Variants in TERF2 observed in about 807,000 individuals in gnomAD.
The protein encoded by TERF2 is telomeric repeat-binding factor 2.
Under a neutral mutation model 56.1 loss-of-function variants are expected in TERF2, and 16 were observed. That is an observed-to-expected ratio of 0.29 (90% CI 0.19 to 0.43). The LOEUF (loss-of-function observed/expected upper bound fraction) is 0.43. Among genes scored for constraint, TERF2 ranks in the 20% least tolerant of loss-of-function variants. TERF2 has a pLI of 1.00. For missense variants in TERF2, 547 were observed against 712.9 expected (o/e 0.77, Z 2.65); for synonymous variants, 296 against 282.1 (o/e 1.05, Z -0.50).
Position 69,366,980 on chromosome 16 carries a change from G to A in TERF2, c.1167C>T (p.Gly389=). Residue 389 remains glycine, a synonymous_variant, in exon 7 of 10, where the codon GGC becomes GGT. Transcript: ENST00000254942. ...GCTTGTTCTTGGGCTGCAGTTCCGA[G>A]CCACCCTCACCGTCAGCCGGGGCTG... is the stretch of plus-strand genomic sequence containing the variant. The part of the protein sequence containing the change: ...ESSAPADGEG[G]SELQPKNKRM... 2 of 1,614,206 alleles carry A rather than the reference G, an allele frequency of 1.2e-6. No individual in the cohort carries two copies. The highest frequency in any genetic ancestry group is 1.7e-6 in the Non-Finnish European group (2 of 1,180,042).
In TERF2 at chr16:69,385,155, T is replaced by C. The variant is rs2014144344; in HGVS notation, c.475+236A>G. Among the ~76,000 whole-genome samples, 4 of 151,416 alleles carry C rather than the reference T, an allele frequency of 2.6e-5. No individual in the cohort carries two copies. In the South Asian group the frequency reaches 6.3e-4, roughly 24 times the overall value. On this transcript the variant is annotated intron_variant, in intron 2 of 9. Transcript: ENST00000254942. Reference sequence around the variant, plus strand: ...ACTTTAGACAGGAGCAAAGTTGGGGTGAGCAATTAACAGGTGGGAGAAGAT... The same window carrying C: ...ACTTTAGACAGGAGCAAAGTTGGGGCGAGCAATTAACAGGTGGGAGAAGAT...
intron 8 of TERF2, among the ~76,000 whole-genome samples, chr16:69,360,621 T>C (rs527726909): frequency 2.7e-5 from 4 of 150,706 alleles, no homozygotes; most frequent in Non-Finnish European, 4.4e-5. Flanking sequence ...GGTGGGAGAA[T>C]TGCTTTAGCC....
intron 3 of TERF2, among the ~76,000 whole-genome samples, chr16:69,381,220 G>C (rs941826597): frequency 3.3e-5 from 5 of 152,142 alleles, no homozygotes; most frequent in African/African-American, 1.2e-4. Flanking sequence ...TTTTTCACTA[G>C]AAAGCTTAAA....
chr16:69,383,457 G>C (rs900141293), intron 3 of TERF2, among the ~76,000 whole-genome samples: 7 of 152,180 alleles, frequency 4.6e-5, no homozygotes, highest in Non-Finnish European at 8.8e-5. Flanking sequence ...TAACAGTTCT[G>C]AAAGTAGGCA....
chr16:69,360,446 A>G (rs1050174200), intron 8 of TERF2, among the ~76,000 whole-genome samples: 1 of 151,796 alleles, frequency 6.6e-6, no homozygotes, highest in Non-Finnish European at 1.5e-5. Context: ...GCTCACAAGT[A>G]TAGTCCCAGC....
At chr16:69,364,038 T>C (rs989403675) in intron 7 of TERF2, among the ~76,000 whole-genome samples, 1 of 152,158 alleles carries the variant, frequency 6.6e-6, no homozygotes, top group African/African-American at 2.4e-5. Flanking sequence ...AGACAACTCA[T>C]GTGGCCCAAA....
At chr16:69,377,011 G>T (rs2013815833) in intron 3 of TERF2, among the ~76,000 whole-genome samples, 2 of 151,926 alleles carry the variant, frequency 1.3e-5, no homozygotes, top group African/African-American at 4.8e-5. Flanking sequence ...GACCAGTCTG[G>T]CCAACATGGT....
chr16:69,384,138 T>C (rs1353454373), intron 3 of TERF2, among the ~76,000 whole-genome samples: 1 of 152,214 alleles, frequency 6.6e-6, no homozygotes, highest in African/African-American at 2.4e-5. Flanking sequence ...GATTCTAATC[T>C]ATCTGTTCAA....
chr16:69,357,121 T>G, intron 9 of TERF2, 65 bp from the exon 10 acceptor site: 2 of 1,518,650 alleles, frequency 1.3e-6, no homozygotes, highest in Admixed American at 4.2e-5. Flanking sequence ...TTTTCTCCAA[T>G]GTAGTGATAA....
chr16:69,370,242 G>A, intron 5 of TERF2: 1 of 486,918 alleles, frequency 2.1e-6, no homozygotes, highest in Non-Finnish European at 3.6e-6. Flanking sequence ...TGTTGCTCAG[G>A]CAGGTCTCGA....
intron 3 of TERF2, among the ~76,000 whole-genome samples, chr16:69,377,973 G>A (rs938334756): frequency 6.6e-6 from 1 of 152,064 alleles, no homozygotes; most frequent in Non-Finnish European, 1.5e-5. Flanking sequence ...AGGTCTTCCG[G>A]TATGATGTTG....
In TERF2 at chr16:69,384,581, G is replaced by A; in HGVS notation, c.605C>T (p.Ala202Val). 6.2e-7 allele frequency: 1 copy of A among 1,612,184 alleles called. No individual in the cohort carries two copies. Among genetic ancestry groups the A allele is most frequent in the Non-Finnish European group, 8.5e-7 (1 of 1,179,572 alleles). ...AAAGATATAAAAATAGAGCCTTACAGCTTCCTTGACCAGTTTTCTACTGGA... is the reference window on the plus strand; with the variant it reads ...AAAGATATAAAAATAGAGCCTTACAACTTCCTTGACCAGTTTTCTACTGGA... ...VESSRKLVKE[A>V]AVIICIKNKE... The change falls in exon 3 of 10, where the codon GCT (alanine) becomes GTT (valine). Residue 202 changes from alanine to valine, a missense_variant and splice_region_variant. By Grantham distance (64) the Ala-to-Val change is moderately conservative. Transcript: ENST00000254942.
chr16:69,385,566 AC>A (rs747125201), intron 1 of TERF2, 26 bp downstream of exon 1: 3 of 1,184,578 alleles, frequency 2.5e-6, no homozygotes, highest in Non-Finnish European at 3.6e-6. Context: ...CGGCGCTCCA[AC>A]CCCCCTCCCC....
At chr16:69,360,717 A>C (rs965406463) in intron 8 of TERF2, among the ~76,000 whole-genome samples, 1 of 151,748 alleles carries the variant, frequency 6.6e-6, no homozygotes, top group South Asian at 2.1e-4. Context: ...AAAAAAAAAA[A>C]AAAAAAAAAG....
chr16:69,378,582 C>T (rs1286933413), intron 3 of TERF2, among the ~76,000 whole-genome samples: 1 of 152,208 alleles, frequency 6.6e-6, no homozygotes, highest in Admixed American at 6.5e-5. Context: ...ACCTGGAGTG[C>T]ACTTCCAGGT....
At chr16:69,368,287 G>A (rs2013427323) in intron 6 of TERF2, 89 bp downstream of exon 6, 1 of 1,236,140 alleles carries the variant, frequency 8.1e-7, no homozygotes, top group Non-Finnish European at 1.2e-6. Context: ...TCGGAGTGCT[G>A]AGAGGAACTG....
chr16:69,380,274 T>C (rs1390979292), intron 3 of TERF2, among the ~76,000 whole-genome samples: 1 of 152,190 alleles, frequency 6.6e-6, no homozygotes, highest in East Asian at 1.9e-4. Context: ...AATGGAGGAG[T>C]ATTTTAATAG....
chr16:69,368,541 C>T (rs2013438197), intron 5 of TERF2, 59 bp from the exon 6 acceptor site: 1 of 1,600,614 alleles, frequency 6.2e-7, no homozygotes, highest in East Asian at 2.2e-5. Flanking sequence ...TAATTCTCTG[C>T]TTCTTTCACC....
intron 7 of TERF2, among the ~76,000 whole-genome samples, chr16:69,363,042 G>A (rs1267659933): frequency 6.6e-6 from 1 of 152,138 alleles, no homozygotes; most frequent in Non-Finnish European, 1.5e-5. Context: ...TGAGACAAAT[G>A]GTAGACCTAA....
Sources: gnomAD v4.1 joint callset for allele counts (sites outside exome capture counted in the v4.1 genomes callset) on GRCh38, gnomAD v4.1.1 for gene constraint, MANE v1.5 for transcripts, NCBI Gene and HGNC (gene_info 2026-07-23, HGNC 2026-07-21) for gene names.